DNAH8: variants seen among roughly 807,000 people sequenced by gnomAD.
DNAH8 encodes the protein axonemal beta dynein heavy chain 8.
Under a neutral mutation model 562.1 loss-of-function variants are expected in DNAH8, and 382 were observed. That is an observed-to-expected ratio of 0.68 (90% CI 0.63 to 0.74). The LOEUF is 0.74. Ranked by LOEUF, DNAH8 falls within the 30% of genes least tolerant of loss-of-function variation. The pLI is 0.00. For synonymous variants in DNAH8, 1,881 were observed against 1,919.4 expected (o/e 0.98, Z 0.52); for missense variants, 5,203 against 5,620.4 (o/e 0.93, Z 2.37).
At chr6:38,887,598 G>A (rs13195140) in intron 57 of DNAH8, among the ~76,000 whole-genome samples, 40 of 152,074 alleles carry the variant, frequency 2.6e-4, no homozygotes, top group Admixed American at 1.1e-3. Context: ...TCCTAGCTGC[G>A]TGGAAGGCTG....
At position 38,807,683 on chromosome 6, in the gene DNAH8, T is replaced by C. The variant is rs768327990; in HGVS notation, c.3224T>C (p.Leu1075Pro). 6.5e-7 allele frequency: 1 copy of C among 1,540,298 alleles called. No individual in the cohort carries two copies. The highest frequency in any genetic ancestry group is 8.7e-7 in the Non-Finnish European group (1 of 1,147,800). The stretch of plus-strand genomic sequence containing the variant: ...CTTCAAAAAGCTACACGGTTATCTC[T>C]GGACACAATGAAAAGAAGAATATTT... ...DSLQKATRLS[L>P]DTMKRRIFVA... The change falls in exon 24 of 93, where the codon CTG (leucine) becomes CCG (proline). Residue 1075 changes from leucine to proline, a missense_variant. Physicochemically the swap from Leu to Pro is moderately conservative, Grantham distance 98 (BLOSUM62 -3). Around this residue, in one of 6 missense-constraint regions of DNAH8, gnomAD observed 2,176 missense variants for 2,365.1 expected, o/e 0.92. Transcript: ENST00000327475.
At chr6:38,866,098 C>T (rs933014129) in intron 45 of DNAH8, among the ~76,000 whole-genome samples, 3 of 152,108 alleles carry the variant, frequency 2.0e-5, no homozygotes, top group Non-Finnish European at 4.4e-5. Context: ...CTTTATTTCT[C>T]CTCACTTCCA....
chr6:38,874,243 CCCCTT>C lies in DNAH8; in HGVS notation c.7620+887_7620+891del, dbSNP rs1367056019. On this transcript the variant is annotated intron_variant, in intron 52 of 92. Transcript: ENST00000327475. ...CTCGCTCTCTCTTTCTCCCCTCCCTCCCCTTCCCTTCCCTTCCCTTCCCTCCCCTT... is the reference window on the plus strand; with the variant it reads ...CTCGCTCTCTCTTTCTCCCCTCCCTCCCCTTCCCTTCCCTTCCCTCCCCTT... Among the ~76,000 whole-genome samples, 13 of 37,580 alleles carry C rather than the reference CCCCTT, an allele frequency of 3.5e-4. 1 individual carries two copies. The highest frequency in any genetic ancestry group is 5.1e-4 in the Non-Finnish European group (9 of 17,698). The allele number at this position is 37,580 out of a possible 152,430, so 24.7% of individuals were successfully genotyped here. A position where few individuals can be genotyped will look rare whatever the true frequency, so the allele number is the denominator to read the frequency against.
intron 62 of DNAH8, among the ~76,000 whole-genome samples, chr6:38,905,787 C>T (rs550557864): frequency 6.6e-6 from 1 of 152,274 alleles, no homozygotes; most frequent in African/African-American, 2.4e-5. Context: ...TCTGTGTTTT[C>T]TAGCAGGCAC....
Position 39,030,488 on chromosome 6 carries a change from C to T in DNAH8, c.*96C>T. ...TGTGTGTCTTTTCTCCCCAGTAATT[C>T]CTTAATTACTCTTTCTACATTAAAA... On this transcript the variant is annotated 3_prime_UTR_variant, in exon 93 of 93. Coordinates refer to ENST00000327475, the MANE Select transcript of DNAH8 (RefSeq NM_001206927.2). 9.4e-7 allele frequency: 1 copy of T among 1,061,880 alleles called. No homozygotes were observed. The highest frequency in any genetic ancestry group is 1.4e-6 in the Non-Finnish European group (1 of 734,324). The allele number at this position is 1,061,880 out of a possible 1,614,324, so 65.8% of individuals were successfully genotyped here.
At chr6:39,002,373 CAT>C (rs1001640761) in intron 88 of DNAH8, among the ~76,000 whole-genome samples, 70 of 152,290 alleles carry the variant, frequency 4.6e-4, no homozygotes, top group Middle Eastern at 3.4e-3. Flanking sequence ...TATATAGTAA[CAT>C]GTGGATCCTT....
chr6:38,735,702 T>G (rs1390844899), intron 5 of DNAH8, among the ~76,000 whole-genome samples: 13 of 152,238 alleles, frequency 8.5e-5, no homozygotes, highest in Admixed American at 8.5e-4. Context: ...AGTCCTTTTA[T>G]GAAATAGTAT....
intron 91 of DNAH8, among the ~76,000 whole-genome samples, chr6:39,014,224 C>T (rs1351124862): frequency 6.6e-6 from 1 of 152,126 alleles, no homozygotes; most frequent in African/African-American, 2.4e-5. Context: ...TTGTAAAGGG[C>T]AGCCCCCAGA....
Position 38,938,936 on chromosome 6 carries a change from T to G in DNAH8, c.11955T>G (p.Ile3985Met), listed in dbSNP as rs1561889695. 5.0e-6 allele frequency: 8 copies of G among 1,613,964 alleles called. No homozygotes were observed. Among genetic ancestry groups the G allele is most frequent in the Non-Finnish European group, 6.8e-6 (8 of 1,179,916 alleles). Residue 3985 changes from isoleucine (I) to methionine (M), a missense_variant, in exon 79 of 93, where the codon ATT becomes ATG. Transcript: ENST00000327475. ...TTGTACTCCTCATGACCTTAAAGAT[T>G]GACCTTCAGAGAGGGACAGTTAAGC... is the stretch of plus-strand genomic sequence containing the variant. ...FLFVLLMTLK[I>M]DLQRGTVKHR...
chr6:38,904,623 G>A (rs1325722553), intron 62 of DNAH8, among the ~76,000 whole-genome samples: 1 of 151,636 alleles, frequency 6.6e-6, no homozygotes, highest in Non-Finnish European at 1.5e-5. Context: ...AACCCCATCT[G>A]TACTAAAAAT....
chr6:38,915,890 GTA>G (rs1407051410), intron 68 of DNAH8, among the ~76,000 whole-genome samples: 4 of 151,488 alleles, frequency 2.6e-5, no homozygotes, highest in African/African-American at 9.7e-5. Flanking sequence ...ATATGTGCAT[GTA>G]TATATATGTG....
intron 62 of DNAH8, among the ~76,000 whole-genome samples, chr6:38,901,550 A>T (rs184536972): frequency 2.0e-5 from 3 of 152,138 alleles, no homozygotes; most frequent in African/African-American, 7.2e-5. Flanking sequence ...TTGTATCATT[A>T]CCTACTATAT....
chr6:38,974,602 C>T, intron 85 of DNAH8, 73 bp downstream of exon 85: 3 of 1,259,408 alleles, frequency 2.4e-6, no homozygotes, highest in South Asian at 2.7e-5. Flanking sequence ...GAGAGGCTTC[C>T]AGGAGGGTGC....
chr6:38,883,164 G>A (rs961824877), intron 54 of DNAH8, 112 bp downstream of exon 54: 15 of 1,338,690 alleles, frequency 1.1e-5, no homozygotes, highest in Non-Finnish European at 1.5e-5. Flanking sequence ...ATTTAAATCT[G>A]TAATACAACT....
At position 38,756,409 on chromosome 6, in the gene DNAH8, G is replaced by C. The variant is rs1678679; in HGVS notation, c.1515+330G>C. ...ACAGTGCTTCTTTAGCTACTCCCATGAACACTATAGTTTGTGTAAAATTTT... is the reference window on the plus strand; with the variant it reads ...ACAGTGCTTCTTTAGCTACTCCCATCAACACTATAGTTTGTGTAAAATTTT... On this transcript the variant is annotated intron_variant, in intron 10 of 92. Coordinates refer to ENST00000327475, the MANE Select transcript of DNAH8 (RefSeq NM_001206927.2). Among the ~76,000 whole-genome samples the C allele has an allele frequency of 0.12, 17,943 of 152,058 alleles. 1,854 individuals are homozygous for C. Among genetic ancestry groups the C allele is most frequent in the East Asian group, 0.45 (2,308 of 5,152 alleles).
In DNAH8 at chr6:38,945,463, C is replaced by T. The variant is rs369950333; in HGVS notation, c.12008-4C>T. 5.0e-6 allele frequency: 8 copies of T among 1,614,004 alleles called. No homozygotes were observed. Among genetic ancestry groups the T allele is most frequent in the Middle Eastern group, 1.7e-4 (1 of 6,060 alleles). On this transcript the variant is annotated splice_polypyrimidine_tract_variant and splice_region_variant and intron_variant, in intron 79 of 92. Coordinates refer to ENST00000327475, the MANE Select transcript of DNAH8 (RefSeq NM_001206927.2). The stretch of plus-strand genomic sequence containing the variant: ...AATTCACCCTGTCTGACGCTCTTCC[C>T]CAGGGGGAGCAGCTCTGGACCTGAA...
chr6:38,921,310 A>G lies in DNAH8; in HGVS notation c.10525-59A>G, dbSNP rs899367616. The G allele has an allele frequency of 8.0e-5, 126 of 1,567,126 alleles. 1 individual carries two copies. The highest frequency in any genetic ancestry group is 1.2e-4 in the South Asian group (10 of 83,264). On this transcript the variant is annotated intron_variant, in intron 70 of 92. Transcript: ENST00000327475. ...AATTATGTGATTTGTGTTATCTACC[A>G]GTTACAATCATGACTGTTTCATGCA... is the stretch of plus-strand genomic sequence containing the variant.
At chr6:38,801,067 A>T (rs1770737742) in intron 21 of DNAH8, among the ~76,000 whole-genome samples, 1 of 152,028 alleles carries the variant, frequency 6.6e-6, no homozygotes, top group African/African-American at 2.4e-5. Context: ...CTAATTTATC[A>T]ATTTTTTTCT....
chr6:38,851,595 T>G lies in DNAH8; in HGVS notation c.5387T>G (p.Leu1796Arg), dbSNP rs775242224. The G allele has an allele frequency of 6.2e-7, 1 of 1,608,934 alleles. No individual in the cohort carries two copies. The highest frequency in any genetic ancestry group is 8.5e-7 in the Non-Finnish European group (1 of 1,178,356). ...LTGYLEKKRLLFPRFFFVSDP... is the reference protein window; with the variant it reads ...LTGYLEKKRLRFPRFFFVSDP... ...AGGTATTTGGAGAAGAAACGATTAC[T>G]GTTTCCAAGATTCTTCTTTGTATCT... The change falls in exon 39 of 93, where the codon CTG (leucine) becomes CGG (arginine). Residue 1796 changes from leucine to arginine, a missense_variant. Physicochemically the swap from Leu to Arg is moderately radical, Grantham distance 102 (BLOSUM62 -2). Transcript: ENST00000327475.
Sources: allele counts gnomAD v4.1 joint callset (sites outside exome capture counted in the v4.1 genomes callset), GRCh38; gene constraint gnomAD v4.1.1; regional missense constraint gnomAD v4.1.1; transcripts MANE v1.5; gene names NCBI Gene and HGNC (gene_info 2026-07-23, HGNC 2026-07-21).